FRMPD2: variants seen among roughly 807,000 people sequenced by gnomAD.
The protein encoded by FRMPD2 is FERM and PDZ domain containing 2.
Under a neutral mutation model 140.1 loss-of-function variants are expected in FRMPD2, and 96 were observed. The observed-to-expected ratio is 0.69, with a 90% CI of 0.58 to 0.81. The LOEUF is 0.81. Among genes scored for constraint, FRMPD2 ranks in the 40% least tolerant of loss-of-function variants. FRMPD2 has a pLI of 0.00. For synonymous variants in FRMPD2, 449 were observed against 547.6 expected (o/e 0.82, Z 2.52); for missense variants, 1,240 against 1,447.4 (o/e 0.86, Z 2.32).
chr10:48,189,531 C>T lies in FRMPD2; in HGVS notation c.2166-2239G>A, dbSNP rs1048610303. Among the ~76,000 whole-genome samples, 69 of 152,218 alleles carry T rather than the reference C, an allele frequency of 4.5e-4. 1 individual carries two copies. Among genetic ancestry groups the T allele is most frequent in the African/African-American group, 1.6e-3 (65 of 41,446 alleles). On this transcript the variant is annotated intron_variant, in intron 16 of 28. Coordinates refer to ENST00000374201, the MANE Select transcript of FRMPD2 (RefSeq NM_001018071.4). The stretch of plus-strand genomic sequence containing the variant: ...GGTCATATGCCCAGGCTTAGGCCAG[C>T]GGCATGACCCACATCTTTCCACACA...
intron 20 of FRMPD2, among the ~76,000 whole-genome samples, chr10:48,181,494 T>C (rs1248167791): frequency 6.6e-6 from 1 of 152,092 alleles, no homozygotes; most frequent in Admixed American, 6.5e-5. Flanking sequence ...ACTGAGCACA[T>C]CTGCAGCCAC....
chr10:48,175,466 C>T (rs1838383340), intron 23 of FRMPD2, among the ~76,000 whole-genome samples: 1 of 151,814 alleles, frequency 6.6e-6, no homozygotes, highest in Non-Finnish European at 1.5e-5. Context: ...GAAGTGGGAG[C>T]TGAGCAAGGG....
chr10:48,217,798 T>C (rs1233092633), intron 12 of FRMPD2, among the ~76,000 whole-genome samples: 2 of 152,192 alleles, frequency 1.3e-5, no homozygotes, highest in Non-Finnish European at 2.9e-5. Flanking sequence ...AGGCAAGTTA[T>C]AACCAAGGTC....
chr10:48,176,363 A>G (rs1349885706), intron 22 of FRMPD2: 2 of 154,598 alleles, frequency 1.3e-5, no homozygotes, highest in African/African-American at 5.0e-5. Context: ...ATGTTGCCAG[A>G]TTGCATCCCT....
chr10:48,268,513 C>A lies in FRMPD2; in HGVS notation c.25+6030G>T, dbSNP rs148919641. Among the ~76,000 whole-genome samples the A allele has an allele frequency of 6.6e-4, 101 of 152,290 alleles. 1 individual carries two copies. In the East Asian group the frequency reaches 0.018, roughly 26 times the overall value. On this transcript the variant is annotated intron_variant, in intron 1 of 28. Transcript: ENST00000374201. Reference sequence around the variant, plus strand: ...AAAACTGTTAAGTCAAAATGTCTTTCATTTGGTGAATGGTTAAACAAATTG... The same window carrying A: ...AAAACTGTTAAGTCAAAATGTCTTTAATTTGGTGAATGGTTAAACAAATTG...
intron 15 of FRMPD2, among the ~76,000 whole-genome samples, chr10:48,196,602 G>C: frequency 6.6e-6 from 1 of 152,194 alleles, no homozygotes; most frequent in Admixed American, 6.5e-5. Flanking sequence ...ATGGCAAAGA[G>C]AGGTGTGTGA....
intron 1 of FRMPD2, among the ~76,000 whole-genome samples, chr10:48,265,321 C>T (rs577401817): frequency 9.2e-5 from 14 of 151,982 alleles, no homozygotes; most frequent in Admixed American, 5.9e-4. Flanking sequence ...GATTTTATTA[C>T]GATGATGTCA....
chr10:48,163,727 A>C, intron 27 of FRMPD2, 56 bp from the exon 28 acceptor site: 3 of 1,142,988 alleles, frequency 2.6e-6, no homozygotes, highest in Non-Finnish European at 4.0e-6. Flanking sequence ...GTTTTTTTAA[A>C]AATACAAAGC....
intron 9 of FRMPD2, among the ~76,000 whole-genome samples, chr10:48,234,442 G>C (rs1171853987): frequency 2.6e-5 from 4 of 152,118 alleles, no homozygotes; most frequent in African/African-American, 9.7e-5. Context: ...TGCTGTAAGG[G>C]GAATCTGTTT....
chr10:48,233,829 C>T (rs1184569154), intron 9 of FRMPD2, among the ~76,000 whole-genome samples: 2 of 152,120 alleles, frequency 1.3e-5, no homozygotes, highest in Admixed American at 6.5e-5. Context: ...CCACTGAGGG[C>T]AGCCATGGCT....
chr10:48,201,064 T>G (rs925404167), intron 15 of FRMPD2, among the ~76,000 whole-genome samples, 164 bp downstream of exon 15: 14 of 152,226 alleles, frequency 9.2e-5, no homozygotes, highest in Admixed American at 7.2e-4. Flanking sequence ...CTTGCCAACA[T>G]GAGAAAATAA....
At chr10:48,222,660 A>C (rs1171869168) in intron 11 of FRMPD2, among the ~76,000 whole-genome samples, 1 of 152,212 alleles carries the variant, frequency 6.6e-6, no homozygotes, top group Non-Finnish European at 1.5e-5. Context: ...ACTCTATGCC[A>C]GTCACTTCAT....
chr10:48,212,155 C>CG lies in FRMPD2; in HGVS notation c.1456-47dup, dbSNP rs763040616. ...GGAAGGGCACAATCCAGACACTGGC[C>CG]GGGGGACTCTGAGAGGAATGAAAAC... On this transcript the variant is annotated intron_variant, in intron 12 of 28. Coordinates refer to ENST00000374201, the MANE Select transcript of FRMPD2 (RefSeq NM_001018071.4). 5 of 1,588,400 alleles carry CG rather than the reference C, an allele frequency of 3.1e-6. No individual in the cohort carries two copies. In the East Asian group the frequency reaches 1.1e-4, roughly 36 times the overall value.
intron 13 of FRMPD2, among the ~76,000 whole-genome samples, chr10:48,211,451 T>G (rs1839321411): frequency 6.6e-6 from 1 of 152,136 alleles, no homozygotes; most frequent in Non-Finnish European, 1.5e-5. Flanking sequence ...CTATAAGAAA[T>G]GTGGTCTCCC....
Position 48,187,305 on chromosome 10 carries a change from G to A in FRMPD2, c.2166-13C>T, listed in dbSNP as rs1838713317. The A allele has an allele frequency of 7.4e-6, 12 of 1,612,638 alleles. No individual in the cohort carries two copies. Among genetic ancestry groups the A allele is most frequent in the Non-Finnish European group, 1.0e-5 (12 of 1,179,022 alleles). On this transcript the variant is annotated splice_polypyrimidine_tract_variant and intron_variant, in intron 16 of 28. Transcript: ENST00000374201. ...GCCAGTGCAGGGGCTGCCGGGAAAAGAAAATGAGGTTAGATAAGGTGGCCC... is the reference window on the plus strand; with the variant it reads ...GCCAGTGCAGGGGCTGCCGGGAAAAAAAAATGAGGTTAGATAAGGTGGCCC...
At chr10:48,238,245 C>T (rs1840017344) in intron 7 of FRMPD2, 122 bp from the exon 8 acceptor site, 2 of 993,772 alleles carry the variant, frequency 2.0e-6, no homozygotes, top group Non-Finnish European at 2.9e-6. Context: ...GTCACCTTCT[C>T]CCCCACCTAT....
chr10:48,206,544 C>T (rs1462132878), intron 14 of FRMPD2, among the ~76,000 whole-genome samples: 1 of 152,134 alleles, frequency 6.6e-6, no homozygotes, highest in Non-Finnish European at 1.5e-5. Context: ...GAAGAAATGG[C>T]CTCCTGAGGA....
At chr10:48,200,193 T>TAAA (rs879909099) in intron 15 of FRMPD2, among the ~76,000 whole-genome samples, 5 of 139,344 alleles carry the variant, frequency 3.6e-5, no homozygotes, top group African/African-American at 8.3e-5. Context: ...AATAAATAAA[T>TAAA]AAATAAAACA....
intron 1 of FRMPD2, among the ~76,000 whole-genome samples, chr10:48,272,095 G>A (rs564272235): frequency 6.6e-6 from 1 of 152,336 alleles, no homozygotes; most frequent in African/African-American, 2.4e-5. Context: ...CTATTCCTGA[G>A]CAGTTGAATT....
Sources: allele counts gnomAD v4.1 joint callset (sites outside exome capture counted in the v4.1 genomes callset), GRCh38; gene constraint gnomAD v4.1.1; transcripts MANE v1.5; gene names NCBI Gene and HGNC (gene_info 2026-07-23, HGNC 2026-07-21).